Variants in AHCY observed in about 807,000 individuals in gnomAD.
AHCY encodes the protein adenosylhomocysteinase, also known as S-adenosyl-L-homocysteine hydrolase.
AHCY carries 24 observed loss-of-function variants against 45.4 expected under a neutral mutation model. That is an observed-to-expected ratio of 0.53 (90% confidence interval 0.38 to 0.74). The LOEUF (loss-of-function observed/expected upper bound fraction) is 0.74, where lower values mean the gene tolerates loss of function less well. AHCY is among the 30% of genes least tolerant of loss of function. The pLI is 0.00. For synonymous variants in AHCY, 245 were observed against 235.1 expected, an observed-to-expected ratio of 1.04 and a Z score of -0.39; for missense variants, 449 against 594.1, an observed-to-expected ratio of 0.76 and a Z score of 2.54.
chr20:34,262,125 AAAG>A, the AHCY span, among the ~76,000 whole-genome samples: 16 of 152,284 alleles, frequency 1.1e-4, no homozygotes, highest in East Asian at 1.9e-4. Context: ...AAGAAAAAAA[AAAG>A]AAGAAGAAGA....
At chr20:34,273,655 G>C in the AHCY span, among the ~76,000 whole-genome samples, 3 of 152,196 alleles carry the variant, frequency 2.0e-5, no homozygotes, top group Non-Finnish European at 4.4e-5. Context: ...TTTGCGAAGA[G>C]GACAGGATAG....
the AHCY span, among the ~76,000 whole-genome samples, chr20:34,260,148 T>C: frequency 1.3e-5 from 2 of 151,904 alleles, no homozygotes; most frequent in African/African-American, 4.8e-5. Context: ...TCTCCTTCTG[T>C]TCCTTGTCTT....
At chr20:34,273,708 T>C in the AHCY span, among the ~76,000 whole-genome samples, 2 of 152,240 alleles carry the variant, frequency 1.3e-5, no homozygotes, top group Non-Finnish European at 2.9e-5. Flanking sequence ...CCAAACCATC[T>C]GTAGTCAATT....
the AHCY span, among the ~76,000 whole-genome samples, chr20:34,259,420 C>T: frequency 3.8e-4 from 57 of 150,152 alleles, no homozygotes; most frequent in Non-Finnish European, 5.9e-4. Context: ...GGCTGAGGCA[C>T]GAGAATCTCT....
At chr20:34,258,769 A>T in the AHCY span, among the ~76,000 whole-genome samples, 4 of 96,324 alleles carry the variant, frequency 4.2e-5, no homozygotes, top group Non-Finnish European at 7.6e-5. Context: ...TGATATATAT[A>T]ATATATATAG....
At chr20:34,277,738 G>C (rs1045992349), downstream of AHCY, among the ~76,000 whole-genome samples, 56 of 117,314 alleles carry the variant, frequency 4.8e-4, no homozygotes, top group Non-Finnish European at 8.0e-4. Flanking sequence ...CTGGGCGACA[G>C]AGCAAGACTC....
At chr20:34,266,535 T>C in the AHCY span, among the ~76,000 whole-genome samples, 2 of 151,474 alleles carry the variant, frequency 1.3e-5, no homozygotes, top group South Asian at 4.2e-4. Context: ...TAGCTGGGCG[T>C]GGTGGTGCAC....
Position 34,292,479 on chromosome 20 carries a change from C to T in AHCY, c.324G>A (p.Glu108=), listed in dbSNP as rs926001235. The change falls in exon 4 of 10, where the codon GAG becomes GAA. Residue 108 remains glutamate, a synonymous_variant. Transcript: ENST00000217426. ...PVYAWKGETD[E]EYLWCIEQTL... is the part of the protein sequence containing the mutation. ...TCTGCTCAATGCACCACAGGTACTC[C>T]TCGTCCGTTTCGCCCTTCCAGGCAT... The T allele has an allele frequency of 3.7e-6, 6 of 1,614,044 alleles. No individual in the cohort carries two copies. Among genetic ancestry groups the T allele is most frequent in the Non-Finnish European group, 5.1e-6 (6 of 1,180,062 alleles).
At chr20:34,233,990 G>A in the AHCY span, among the ~76,000 whole-genome samples, 13 of 152,354 alleles carry the variant, frequency 8.5e-5, no homozygotes, top group East Asian at 2.5e-3. Flanking sequence ...ACTTTTGGCA[G>A]AGGTCACAAA....
chr20:34,269,050 G>T, the AHCY span: 2 of 1,603,380 alleles, frequency 1.2e-6, no homozygotes, highest in Non-Finnish European at 1.7e-6. Flanking sequence ...CGCCCTGCGT[G>T]GCCACCCGCA....
the AHCY span, chr20:34,269,159 A>G: frequency 6.5e-7 from 1 of 1,535,122 alleles, no homozygotes; most frequent in Non-Finnish European, 8.8e-7. Flanking sequence ...GCTCAGCCTC[A>G]ACTGCTGAGC....
chr20:34,266,328 T>A, the AHCY span, among the ~76,000 whole-genome samples: 1 of 148,886 alleles, frequency 6.7e-6, no homozygotes, highest in African/African-American at 2.5e-5. Flanking sequence ...CCAGCCTGGG[T>A]GACAGAGCGA....
chr20:34,270,291 T>C, the AHCY span, among the ~76,000 whole-genome samples: 1 of 151,864 alleles, frequency 6.6e-6, no homozygotes, highest in Admixed American at 6.6e-5. Flanking sequence ...GTTCTTGTTA[T>C]AAATCCAAGG....
At chr20:34,267,910 T>A in the AHCY span, among the ~76,000 whole-genome samples, 64 of 152,068 alleles carry the variant, frequency 4.2e-4, no homozygotes, top group South Asian at 6.2e-3. Context: ...ATGTTAACAT[T>A]TCAATATGTG....
chr20:34,255,297 A>C, the AHCY span, among the ~76,000 whole-genome samples: 1 of 151,920 alleles, frequency 6.6e-6, no homozygotes, highest in African/African-American at 2.4e-5. Context: ...GGTCTAACTT[A>C]ATCTTCCCCA....
At chr20:34,239,683 C>T in the AHCY span, among the ~76,000 whole-genome samples, 1 of 152,276 alleles carries the variant, frequency 6.6e-6, no homozygotes, top group African/African-American at 2.4e-5. Context: ...GAGAAAGTAA[C>T]AAAGCCTAAA....
At position 34,292,465 on chromosome 20, in the gene AHCY, C is replaced by A; in HGVS notation, c.338G>T (p.Cys113Phe). Reference sequence around the variant, plus strand: ...CTTGAAGTACAGGGTCTGCTCAATGCACCACAGGTACTCCTCGTCCGTTTC... The same window carrying A: ...CTTGAAGTACAGGGTCTGCTCAATGAACCACAGGTACTCCTCGTCCGTTTC... ...KGETDEEYLW[C>F]IEQTLYFKDG... is the part of the protein sequence containing the mutation. Residue 113 changes from cysteine (C) to phenylalanine (F), a missense_variant, in exon 4 of 10, where the codon TGC (cysteine) becomes TTC (phenylalanine). Coordinates refer to ENST00000217426, the MANE Select transcript of AHCY (RefSeq NM_000687.4). The A allele has an allele frequency of 6.2e-7, 1 of 1,614,150 alleles. No homozygotes were observed. Among genetic ancestry groups the A allele is most frequent in the South Asian group, 1.1e-5 (1 of 91,080 alleles).
At chr20:34,270,059 A>C in the AHCY span, among the ~76,000 whole-genome samples, 4 of 150,414 alleles carry the variant, frequency 2.7e-5, no homozygotes, top group Non-Finnish European at 5.9e-5. Context: ...ACATAGTGAG[A>C]GACTCCCCGC....
At chr20:34,278,271 G>A (rs1248325155), downstream of AHCY, among the ~76,000 whole-genome samples, 1 of 152,238 alleles carries the variant, frequency 6.6e-6, no homozygotes, top group African/African-American at 2.4e-5. Flanking sequence ...AACAGGAAAG[G>A]AAGAGGCTGG....
Sources: gnomAD v4.1 joint callset for allele counts (sites outside exome capture counted in the v4.1 genomes callset) on GRCh38, gnomAD v4.1.1 for gene constraint, MANE v1.5 for transcripts, NCBI Gene and HGNC (gene_info 2026-07-23, HGNC 2026-07-21) for gene names.